Variants in GALNTL6 observed in about 807,000 individuals in gnomAD.
GALNTL6 encodes the protein polypeptide N-acetylgalactosaminyltransferase-like 6.
Under a neutral mutation model 73.7 loss-of-function variants are expected in GALNTL6, and 46 were observed. That is an observed-to-expected ratio of 0.62 (90% confidence interval 0.49 to 0.80). The LOEUF (loss-of-function observed/expected upper bound fraction) is 0.80. GALNTL6 is among the 30% of genes least tolerant of loss of function. The probability of loss-of-function intolerance (pLI) is 0.00; values close to 1 mark genes in which losing one functional copy is unlikely to be tolerated. For synonymous variants in GALNTL6, 259 were observed against 263.7 expected (o/e 0.98, Z 0.17); for missense variants, 604 against 755.0 (o/e 0.80, Z 2.34).
chr4:172,983,790 C>T (rs1379164390), intron 10 of GALNTL6, among the ~76,000 whole-genome samples: 2 of 152,084 alleles, frequency 1.3e-5, no homozygotes, highest in African/African-American at 4.8e-5. Context: ...TAGCATAGGG[C>T]CTACCGCTGC....
chr4:172,761,697 T>TG (rs1738115798), intron 5 of GALNTL6, among the ~76,000 whole-genome samples: 19 of 71,998 alleles, frequency 2.6e-4, no homozygotes, highest in Admixed American at 1.6e-3. Flanking sequence ...CTCTCTCTCT[T>TG]TCTCTCTCTC....
At chr4:172,876,024 GA>G (rs1343831509) in intron 7 of GALNTL6, among the ~76,000 whole-genome samples, 2 of 152,102 alleles carry the variant, frequency 1.3e-5, no homozygotes, top group African/African-American at 4.8e-5. Flanking sequence ...CAACTTAATT[GA>G]AACATCAAAC....
chr4:172,880,015 T>C (rs1745376213), intron 7 of GALNTL6, among the ~76,000 whole-genome samples: 1 of 152,062 alleles, frequency 6.6e-6, no homozygotes, highest in Non-Finnish European at 1.5e-5. Context: ...TAACAAGTGT[T>C]GGTGAGGACA....
intron 10 of GALNTL6, among the ~76,000 whole-genome samples, chr4:172,958,246 C>T (rs570280044): frequency 2.0e-5 from 3 of 152,282 alleles, no homozygotes; most frequent in East Asian, 1.9e-4. Context: ...AGCCGCTGCA[C>T]GCAGACTTGA....
At chr4:172,743,111 A>G (rs1284410738) in intron 5 of GALNTL6, among the ~76,000 whole-genome samples, 3 of 152,088 alleles carry the variant, frequency 2.0e-5, no homozygotes, top group African/African-American at 7.2e-5. Context: ...TTATATGAAA[A>G]GAGCCTATTG....
intron 2 of GALNTL6, among the ~76,000 whole-genome samples, chr4:171,870,795 T>C (rs1449480260): frequency 1.3e-5 from 2 of 152,206 alleles, no homozygotes; most frequent in African/African-American, 4.8e-5. Context: ...ATTGCAGTTA[T>C]GCAGCTATAA....
At position 172,812,009 on chromosome 4, in the gene GALNTL6, A is replaced by AATGGATGGATGGATGG. The variant is rs71910847; in HGVS notation, c.740-1495_740-1480dup. ...TATGAAAAGAATGACTGGATGGATA[A>AATGGATGGATGGATGG]ATGGATGGATGGATGGATGGATGGA... On this transcript the variant is annotated intron_variant, in intron 6 of 12. Transcript: ENST00000506823. Among the ~76,000 whole-genome samples, 13 of 148,312 alleles carry AATGGATGGATGGATGG rather than the reference A, an allele frequency of 8.8e-5. No individual in the cohort carries two copies. In the South Asian group the frequency reaches 1.1e-3, roughly 13 times the overall value.
At chr4:172,833,084 T>A (rs1311973015) in intron 7 of GALNTL6, among the ~76,000 whole-genome samples, 4 of 109,286 alleles carry the variant, frequency 3.7e-5, no homozygotes, top group Non-Finnish European at 5.6e-5. Flanking sequence ...TGTGTGCGCT[T>A]GGGGGTGGGG....
intron 2 of GALNTL6, among the ~76,000 whole-genome samples, chr4:171,887,368 T>C (rs1736634444): frequency 6.6e-6 from 1 of 152,176 alleles, no homozygotes; most frequent in Non-Finnish European, 1.5e-5. Flanking sequence ...ATGGAAATCA[T>C]TAAAGATTTT....
At position 172,817,921 on chromosome 4, in the gene GALNTL6, A is replaced by G. The variant is rs866970214; in HGVS notation, c.923+4198A>G. On this transcript the variant is annotated intron_variant, in intron 7 of 12. Transcript: ENST00000506823. ...AAATTGTCCTACTTGAGATACGAGG[A>G]ATATCTAATTGGTCTTTAATGACAG... Among the ~76,000 whole-genome samples, 20 of 152,340 alleles carry G rather than the reference A, an allele frequency of 1.3e-4. No homozygotes were observed. In the South Asian group the frequency reaches 3.9e-3, roughly 30 times the overall value.
chr4:171,815,065 G>A (rs1257023905), intron 2 of GALNTL6: 2 of 392,370 alleles, frequency 5.1e-6, no homozygotes, highest in Non-Finnish European at 4.5e-6. Flanking sequence ...TTAATGACAA[G>A]GATAGGTTTT....
intron 2 of GALNTL6, among the ~76,000 whole-genome samples, chr4:171,904,693 C>A (rs546591433): frequency 1.3e-4 from 20 of 152,230 alleles, no homozygotes; most frequent in African/African-American, 3.1e-4. Flanking sequence ...ACATAATTAT[C>A]AGATTCACCA....
chr4:172,607,869 A>G (rs1738366371), intron 5 of GALNTL6, among the ~76,000 whole-genome samples: 1 of 151,962 alleles, frequency 6.6e-6, no homozygotes, highest in Non-Finnish European at 1.5e-5. Context: ...TTTTTTTCAT[A>G]TGCTTGTTGG....
chr4:172,426,215 G>A (rs1414571795), intron 5 of GALNTL6, among the ~76,000 whole-genome samples: 1 of 152,040 alleles, frequency 6.6e-6, no homozygotes, highest in Non-Finnish European at 1.5e-5. Context: ...GTACATAGTG[G>A]CTTTGTAACT....
chr4:172,210,211 C>T (rs1018072496), intron 2 of GALNTL6, among the ~76,000 whole-genome samples: 12 of 151,990 alleles, frequency 7.9e-5, no homozygotes, highest in Admixed American at 2.6e-4. Context: ...AAATATTGCC[C>T]TTCTAAACCC....
intron 5 of GALNTL6, among the ~76,000 whole-genome samples, chr4:172,592,091 T>G (rs1737660253): frequency 6.6e-6 from 1 of 152,178 alleles, no homozygotes; most frequent in South Asian, 2.1e-4. Context: ...GTAATTTGTT[T>G]TAAAAAGAGG....
intron 7 of GALNTL6, among the ~76,000 whole-genome samples, chr4:172,828,389 C>A (rs1292500965): frequency 2.6e-5 from 4 of 152,008 alleles, no homozygotes; most frequent in African/African-American, 9.7e-5. Context: ...GGGAGGGAAA[C>A]CTGCCTGTCA....
At chr4:172,198,285 A>AT (rs1392032478) in intron 2 of GALNTL6, among the ~76,000 whole-genome samples, 5 of 152,108 alleles carry the variant, frequency 3.3e-5, no homozygotes, top group African/African-American at 1.2e-4. Flanking sequence ...ACATCAAAAA[A>AT]AAAAATAAAA....
intron 4 of GALNTL6, among the ~76,000 whole-genome samples, chr4:172,313,375 A>G (rs1421763219): frequency 6.6e-6 from 1 of 151,968 alleles, no homozygotes; most frequent in South Asian, 2.1e-4. Flanking sequence ...CGCCCACCTC[A>G]GCCTCCCAAA....
Sources: gnomAD v4.1 joint callset for allele counts (sites outside exome capture counted in the v4.1 genomes callset) on GRCh38, gnomAD v4.1.1 for gene constraint, MANE v1.5 for transcripts, NCBI Gene and HGNC (gene_info 2026-07-23, HGNC 2026-07-21) for gene names.